Variants in ROBO2 observed in about 807,000 individuals in gnomAD.
The protein encoded by ROBO2 is roundabout guidance receptor 2.
A neutral mutation model predicts 160.8 loss-of-function variants in ROBO2; 53 were observed. The ratio of observed to expected loss-of-function variants is 0.33; its 90% CI spans 0.26 to 0.41. ROBO2 has a LOEUF of 0.41. Ranked by LOEUF, ROBO2 falls within the 10% of genes least tolerant of loss-of-function variation. ROBO2 has a pLI of 1.00. For synonymous variants in ROBO2, 664 were observed against 611.7 expected (o/e 1.09, Z -1.26); for missense variants, 1,577 against 1,722.4 (o/e 0.92, Z 1.49).
chr3:76,888,284 C>T (rs762322077), intron 2 of ROBO2, among the ~76,000 whole-genome samples: 8 of 152,112 alleles, frequency 5.3e-5, no homozygotes, highest in Non-Finnish European at 1.0e-4. Context: ...AGGAGGATTG[C>T]TGGAACCTGG....
intron 24 of ROBO2, among the ~76,000 whole-genome samples, chr3:77,636,216 T>C (rs1457336913): frequency 6.6e-6 from 1 of 152,134 alleles, no homozygotes; most frequent in Non-Finnish European, 1.5e-5. Context: ...AAAGTCTAGA[T>C]AGTAAATATC....
intron 2 of ROBO2, among the ~76,000 whole-genome samples, chr3:76,080,489 G>A (rs1338861390): frequency 6.6e-6 from 1 of 152,042 alleles, no homozygotes; most frequent in Non-Finnish European, 1.5e-5. Context: ...ATTCTTTTTC[G>A]TTTCTGCAAA....
intron 2 of ROBO2, among the ~76,000 whole-genome samples, chr3:77,376,646 G>A (rs562250415): frequency 5.9e-5 from 9 of 152,102 alleles, no homozygotes; most frequent in Admixed American, 3.9e-4. Context: ...TCTTGTATAT[G>A]CTTAGAAAGT....
At chr3:76,229,988 C>T (rs763357759) in intron 2 of ROBO2, among the ~76,000 whole-genome samples, 15 of 152,124 alleles carry the variant, frequency 9.9e-5, no homozygotes, top group Admixed American at 5.9e-4. Context: ...CTAACCTTAT[C>T]ATGGATGGCA....
rs539566833 is a variant in ROBO2, at chr3:76,136,043, C to G, written c.109+198441C>G. On this transcript the variant is annotated intron_variant, in intron 2 of 26. Transcript: ENST00000487694. ...TGAAACAATTCACTTTTAAAAATCACTGTAATGGAACAAATAAGTTTACAC... is the reference window on the plus strand; with the variant it reads ...TGAAACAATTCACTTTTAAAAATCAGTGTAATGGAACAAATAAGTTTACAC... Among the ~76,000 whole-genome samples the G allele has an allele frequency of 4.6e-5, 7 of 152,178 alleles. No homozygotes were observed. In the South Asian group the frequency reaches 1.5e-3, roughly 32 times the overall value.
At chr3:76,846,929 A>G (rs896566048) in intron 2 of ROBO2, among the ~76,000 whole-genome samples, 4 of 152,138 alleles carry the variant, frequency 2.6e-5, no homozygotes, top group African/African-American at 9.7e-5. Context: ...ACTTAATTAG[A>G]TAATTGAACA....
intron 2 of ROBO2, among the ~76,000 whole-genome samples, chr3:76,933,353 A>T (rs566359933): frequency 6.6e-6 from 1 of 152,312 alleles, no homozygotes; most frequent in Non-Finnish European, 1.5e-5. Flanking sequence ...TACTTCAGCA[A>T]ATTTTTAGAA....
chr3:76,978,514 T>G (rs1348333095), intron 2 of ROBO2, among the ~76,000 whole-genome samples: 1 of 152,158 alleles, frequency 6.6e-6, no homozygotes, highest in Non-Finnish European at 1.5e-5. Flanking sequence ...ATAGCTCAGT[T>G]CAGCTCTCTT....
At chr3:76,254,905 TG>T (rs917870595) in intron 2 of ROBO2, among the ~76,000 whole-genome samples, 1 of 152,098 alleles carries the variant, frequency 6.6e-6, no homozygotes, top group Non-Finnish European at 1.5e-5. Flanking sequence ...CTGTATCCAC[TG>T]TATTACTTCT....
At chr3:76,246,530 C>T (rs182975030) in intron 2 of ROBO2, among the ~76,000 whole-genome samples, 95 of 152,176 alleles carry the variant, frequency 6.2e-4, no homozygotes, top group African/African-American at 2.0e-3. Context: ...TGAGTTTTTA[C>T]GAACACTTTC....
intron 2 of ROBO2, among the ~76,000 whole-genome samples, chr3:77,455,827 C>T (rs2081583170): frequency 6.6e-6 from 1 of 151,650 alleles, no homozygotes. Context: ...TCCTATATAT[C>T]ATCTCATTTG....
At chr3:76,529,106 C>T (rs896920729) in intron 2 of ROBO2, among the ~76,000 whole-genome samples, 1 of 152,080 alleles carries the variant, frequency 6.6e-6, no homozygotes, top group Non-Finnish European at 1.5e-5. Flanking sequence ...GACAGCTCTT[C>T]TGAAAGACAG....
intron 2 of ROBO2, among the ~76,000 whole-genome samples, chr3:76,959,095 T>C (rs929877907): frequency 7.2e-5 from 11 of 152,154 alleles, no homozygotes; most frequent in African/African-American, 2.7e-4. Flanking sequence ...CCAGCCAAGA[T>C]GTATAAAAAT....
chr3:76,607,300 G>T (rs2087742097), intron 2 of ROBO2, among the ~76,000 whole-genome samples: 1 of 151,812 alleles, frequency 6.6e-6, no homozygotes, highest in South Asian at 2.1e-4. Flanking sequence ...AGTATCTGGG[G>T]CTACAGGCAA....
intron 2 of ROBO2, among the ~76,000 whole-genome samples, chr3:77,110,483 A>G (rs894254681): frequency 1.3e-5 from 2 of 151,884 alleles, no homozygotes; most frequent in Non-Finnish European, 2.9e-5. Context: ...TTAAAAATGA[A>G]TCAAAGGAGG....
chr3:75,989,728 A>G (rs2065512654), intron 2 of ROBO2, among the ~76,000 whole-genome samples: 1 of 152,216 alleles, frequency 6.6e-6, no homozygotes. Context: ...TACAAAATAA[A>G]ATTTGAAGCT....
At chr3:76,907,533 T>C (rs1192764261) in intron 2 of ROBO2, among the ~76,000 whole-genome samples, 2 of 152,172 alleles carry the variant, frequency 1.3e-5, no homozygotes. Context: ...CAGATATATG[T>C]AACCAAGCTT....
intron 2 of ROBO2, among the ~76,000 whole-genome samples, chr3:76,774,093 C>A (rs746259264): frequency 6.6e-6 from 1 of 150,838 alleles, no homozygotes; most frequent in Non-Finnish European, 1.5e-5. Flanking sequence ...TAAATATGTT[C>A]AGAAACTAAA....
intron 2 of ROBO2, among the ~76,000 whole-genome samples, chr3:76,218,437 C>A (rs528844643): frequency 2.2e-4 from 33 of 152,280 alleles, no homozygotes; most frequent in African/African-American, 7.9e-4. Flanking sequence ...CCAAAATCTC[C>A]TTAAGCTGAT....
Sources: allele counts gnomAD v4.1 joint callset (sites outside exome capture counted in the v4.1 genomes callset), GRCh38; gene constraint gnomAD v4.1.1; transcripts MANE v1.5; gene names NCBI Gene and HGNC (gene_info 2026-07-23, HGNC 2026-07-21).